The following FANCA variants were observed in gnomAD, a reference collection of about 807,000 sequenced individuals.
FANCA encodes the protein Fanconi anemia group A protein.
A neutral mutation model predicts 194.3 loss-of-function variants in FANCA; 236 were observed. The observed-to-expected ratio is 1.21, with a 90% CI of 1.09 to 1.35. FANCA has a LOEUF of 1.35. Among genes scored for constraint, FANCA ranks in the 40% most tolerant of loss-of-function variants. FANCA has a pLI of 0.00. For missense variants in FANCA, 2,628 were observed against 1,813.9 expected, an observed-to-expected ratio of 1.45 and a Z score of -8.15; for synonymous variants, 1,014 against 715.8, an observed-to-expected ratio of 1.42 and a Z score of -6.65.
At chr16:89,775,878 T>C in intron 20 of FANCA, 63 bp from the exon 21 acceptor site, 1 of 990,474 alleles carries the variant, frequency 1.0e-6, no homozygotes, top group Non-Finnish European at 1.6e-6. Flanking sequence ...AAGATTACAA[T>C]CCCCAAATCT....
chr16:89,796,096 G>A, intron 10 of FANCA, 78 bp from the exon 11 acceptor site: 2 of 1,091,548 alleles, frequency 1.8e-6, no homozygotes. Flanking sequence ...CACAAACTGT[G>A]GCTCAGGCTC....
chr16:89,810,918 T>C lies in FANCA; in HGVS notation c.426+11A>G, dbSNP rs763705129. 2 of 1,614,176 alleles carry C rather than the reference T, an allele frequency of 1.2e-6. No homozygotes were observed. Among genetic ancestry groups the C allele is most frequent in the Non-Finnish European group, 1.7e-6 (2 of 1,180,050 alleles). On this transcript the variant is annotated intron_variant, in intron 4 of 42. Coordinates refer to ENST00000389301, the MANE Select transcript of FANCA (RefSeq NM_000135.4). Reference sequence around the variant, plus strand: ...AACGGGCAGGTTTCCTCATCTTTGCTGGTGTCTTACTCTCTGCTCCACAGT... The same window carrying C: ...AACGGGCAGGTTTCCTCATCTTTGCCGGTGTCTTACTCTCTGCTCCACAGT...
chr16:89,814,346 C>G (rs902109064), intron 3 of FANCA, among the ~76,000 whole-genome samples, 174 bp downstream of exon 3: 1 of 152,124 alleles, frequency 6.6e-6, no homozygotes, highest in Non-Finnish European at 1.5e-5. Context: ...AACACAGCAT[C>G]GTAAGAAGCC....
At chr16:89,757,993 T>A (rs1455539660) in intron 30 of FANCA, among the ~76,000 whole-genome samples, 1 of 152,096 alleles carries the variant, frequency 6.6e-6, no homozygotes, top group Non-Finnish European at 1.5e-5. Flanking sequence ...GTAGCTGGGA[T>A]TACAGGCACC....
intron 30 of FANCA, among the ~76,000 whole-genome samples, chr16:89,753,773 G>A (rs184709535): frequency 1.3e-5 from 2 of 152,288 alleles, no homozygotes; most frequent in African/African-American, 2.4e-5. Context: ...ACTGCACTGG[G>A]GACAGACACG....
At chr16:89,797,777 C>T (rs779793901) in intron 10 of FANCA, among the ~76,000 whole-genome samples, 1 of 151,976 alleles carries the variant, frequency 6.6e-6, no homozygotes, top group Non-Finnish European at 1.5e-5. Flanking sequence ...TGCCTGTAAT[C>T]CCAGCTACTC....
rs576073971 is a variant in FANCA at position 89,776,410 on chromosome 16, A to G, written c.1827-595T>C. Among the ~76,000 whole-genome samples the G allele has an allele frequency of 3.4e-3, 508 of 151,218 alleles. 4 individuals carry two copies. Among genetic ancestry groups the G allele is most frequent in the Admixed American group, 6.2e-3 (95 of 15,216 alleles). The stretch of plus-strand genomic sequence containing the variant: ...CCTCGAACTCGTGACCTTGTGATTC[A>G]CCTGCCTCAGCCTCCCAAAGTGCTG... On this transcript the variant is annotated intron_variant, in intron 20 of 42. Transcript: ENST00000389301.
chr16:89,798,895 G>GA, intron 10 of FANCA: 1 of 1,586,042 alleles, frequency 6.3e-7, no homozygotes, highest in East Asian at 2.2e-5. Context: ...CAGTGAGTGG[G>GA]ACAAACATTG....
intron 11 of FANCA, 25 bp downstream of exon 11, chr16:89,795,881 T>C (rs775836749): frequency 7.0e-6 from 11 of 1,564,440 alleles, no homozygotes; most frequent in Admixed American, 6.7e-5. Context: ...GGGTAGCAAC[T>C]GAGCAGCCTC....
At chr16:89,807,491 T>C (rs1283924673) in intron 6 of FANCA, among the ~76,000 whole-genome samples, 1 of 151,980 alleles carries the variant, frequency 6.6e-6, no homozygotes, top group African/African-American at 2.4e-5. Flanking sequence ...GGCTCATGCC[T>C]GTAATCCCAG....
chr16:89,815,206 T>C (rs1168511427), intron 2 of FANCA, among the ~76,000 whole-genome samples: 1 of 151,822 alleles, frequency 6.6e-6, no homozygotes, highest in African/African-American at 2.4e-5. Context: ...CCGGCTAATT[T>C]TTGTATTTTA....
At position 89,809,702 on chromosome 16, in the gene FANCA, A is replaced by C. The variant is rs1031963373; in HGVS notation, c.522+1005T>G. ...CCGTCTCTACTAAAAATACAAAAAA[A>C]ATTAGCCAGGCATGGTGGCGCATGC... On this transcript the variant is annotated intron_variant, in intron 5 of 42. Transcript: ENST00000389301. Among the ~76,000 whole-genome samples the C allele has an allele frequency of 2.0e-5, 3 of 152,098 alleles. No homozygotes were observed. In the South Asian group the frequency reaches 6.2e-4, roughly 32 times the overall value.
At chr16:89,800,109 T>C (rs1307105712) in intron 8 of FANCA, among the ~76,000 whole-genome samples, 1 of 152,234 alleles carries the variant, frequency 6.6e-6, no homozygotes, top group Non-Finnish European at 1.5e-5. Context: ...CTGAACTTTC[T>C]GGAATTACCC....
chr16:89,791,164 C>G (rs1418096310), intron 14 of FANCA: 3 of 579,138 alleles, frequency 5.2e-6, no homozygotes, highest in African/African-American at 3.8e-5. Context: ...GGAGCTGAGG[C>G]CCCGACAGGG....
chr16:89,767,383 G>C, intron 26 of FANCA, 146 bp from the exon 27 acceptor site: 1 of 681,012 alleles, frequency 1.5e-6, no homozygotes, highest in Non-Finnish European at 2.6e-6. Context: ...TGGTTCGTTT[G>C]TTGTGAGACA....
chr16:89,806,124 G>C (rs1372268858), intron 6 of FANCA, among the ~76,000 whole-genome samples: 2 of 151,968 alleles, frequency 1.3e-5, no homozygotes, highest in Non-Finnish European at 2.9e-5. Flanking sequence ...CGTTGGACAG[G>C]CTGGTCTTGA....
At chr16:89,795,511 G>A (rs1481580851) in intron 11 of FANCA, among the ~76,000 whole-genome samples, 4 of 151,736 alleles carry the variant, frequency 2.6e-5, no homozygotes, top group Admixed American at 6.6e-5. Flanking sequence ...GGTGGTTGGC[G>A]CCTGTAGTCC....
chr16:89,737,771 CAG>C lies in FANCA; in HGVS notation c.*828_*829del, dbSNP rs1213358248. ...TCGTCCCCCCGGGAGGTTGGAGCAT[CAG>C]GGGCCTGGACTCACTGGACTCTCCC... On this transcript the variant is annotated 3_prime_UTR_variant, in exon 43 of 43. Transcript: ENST00000389301. 8 of 1,612,698 alleles carry C rather than the reference CAG, an allele frequency of 5.0e-6. No homozygotes were observed. Among genetic ancestry groups the C allele is most frequent in the Admixed American group, 1.7e-5 (1 of 60,004 alleles).
At chr16:89,795,753 A>G (rs2040223275) in intron 11 of FANCA, among the ~76,000 whole-genome samples, 153 bp downstream of exon 11, 1 of 152,234 alleles carries the variant, frequency 6.6e-6, no homozygotes, top group African/African-American at 2.4e-5. Context: ...TTTAGTAACA[A>G]TCTCAGGCAT....
Sources: gnomAD v4.1 joint callset for allele counts (sites outside exome capture counted in the v4.1 genomes callset) on GRCh38, gnomAD v4.1.1 for gene constraint, MANE v1.5 for transcripts, NCBI Gene and HGNC (gene_info 2026-07-23, HGNC 2026-07-21) for gene names.